MYO3B: variants seen among roughly 807,000 people sequenced by gnomAD.
The protein encoded by MYO3B is myosin-IIIb.
Under a neutral mutation model 174.6 loss-of-function variants are expected in MYO3B, and 156 were observed. The ratio of observed to expected loss-of-function variants is 0.89; its 90% CI spans 0.78 to 1.02. The LOEUF (loss-of-function observed/expected upper bound fraction) is 1.02, where lower values mean the gene tolerates loss of function less well. MYO3B is among the 50% of genes least tolerant of loss of function. MYO3B has a pLI of 0.00. For missense variants in MYO3B, 1,632 were observed against 1,639.4 expected (o/e 1.00, Z 0.08); for synonymous variants, 563 against 569.1 (o/e 0.99, Z 0.15).
chr2:170,415,391 T>G (rs780066796), intron 22 of MYO3B, among the ~76,000 whole-genome samples: 2 of 152,236 alleles, frequency 1.3e-5, no homozygotes, highest in African/African-American at 2.4e-5. Context: ...TGTTTTATTT[T>G]TCTTCTTAGC....
chr2:170,304,521 G>A (rs1286514698), intron 7 of MYO3B, among the ~76,000 whole-genome samples: 1 of 146,484 alleles, frequency 6.8e-6, no homozygotes, highest in Non-Finnish European at 1.5e-5. Context: ...CTGGAGTGCA[G>A]TGGCGTGACC....
At chr2:170,296,011 T>C (rs1015467634) in intron 7 of MYO3B, among the ~76,000 whole-genome samples, 1 of 152,162 alleles carries the variant, frequency 6.6e-6, no homozygotes, top group African/African-American at 2.4e-5. Flanking sequence ...CATATAACTT[T>C]CTCCCTAGAA....
chr2:170,581,692 C>T (rs1693160101), intron 32 of MYO3B, among the ~76,000 whole-genome samples: 1 of 151,972 alleles, frequency 6.6e-6, no homozygotes, highest in Non-Finnish European at 1.5e-5. Flanking sequence ...AGGTCCAGCT[C>T]CATTTATTGA....
chr2:170,474,558 G>A (rs1032101349), intron 25 of MYO3B, among the ~76,000 whole-genome samples: 12 of 151,212 alleles, frequency 7.9e-5, no homozygotes, highest in Non-Finnish European at 1.6e-4. Context: ...CCAACATGGA[G>A]AAACCCTGTC....
At chr2:170,415,738 C>T (rs1327993626) in intron 22 of MYO3B, among the ~76,000 whole-genome samples, 1 of 152,204 alleles carries the variant, frequency 6.6e-6, no homozygotes, top group Admixed American at 6.5e-5. Flanking sequence ...CATCCCTGCT[C>T]TTCTTACAGG....
intron 30 of MYO3B, among the ~76,000 whole-genome samples, chr2:170,540,341 T>C (rs1690007682): frequency 2.0e-5 from 3 of 151,836 alleles, no homozygotes; most frequent in African/African-American, 7.3e-5. Context: ...AAAGAACCAA[T>C]CCACATGGCT....
At chr2:170,423,439 A>G (rs1479499095) in intron 22 of MYO3B, among the ~76,000 whole-genome samples, 1 of 152,190 alleles carries the variant, frequency 6.6e-6, no homozygotes, top group East Asian at 1.9e-4. Flanking sequence ...CAAAGAAAAT[A>G]AAGTGAGGTG....
intron 25 of MYO3B, among the ~76,000 whole-genome samples, chr2:170,497,391 T>C (rs370246931): frequency 5.3e-5 from 8 of 151,728 alleles, no homozygotes; most frequent in African/African-American, 1.9e-4. Flanking sequence ...TCAAGGCGGG[T>C]GGATCACGAG....
intron 25 of MYO3B, among the ~76,000 whole-genome samples, chr2:170,472,616 T>A (rs1387840765): frequency 5.9e-5 from 9 of 152,148 alleles, no homozygotes; most frequent in African/African-American, 2.2e-4. Context: ...ATTATCTACC[T>A]CTTATCTGAA....
intron 32 of MYO3B, among the ~76,000 whole-genome samples, chr2:170,608,526 G>C (rs1179557744): frequency 6.6e-6 from 1 of 152,122 alleles, no homozygotes; most frequent in African/African-American, 2.4e-5. Context: ...TGCTTCTCCA[G>C]AGGTGGCACT....
chr2:170,318,633 A>G (rs1450389219), intron 7 of MYO3B, among the ~76,000 whole-genome samples: 2 of 152,190 alleles, frequency 1.3e-5, no homozygotes, highest in Non-Finnish European at 2.9e-5. Context: ...TAAGAGTCAT[A>G]TATAAGAGAT....
intron 32 of MYO3B, among the ~76,000 whole-genome samples, chr2:170,628,347 A>G (rs1358816841): frequency 1.3e-5 from 2 of 152,210 alleles, no homozygotes; most frequent in African/African-American, 4.8e-5. Context: ...CCTCTGAGCC[A>G]GGCGCAGGAT....
rs1559322008 is a variant in MYO3B at position 170,234,185 on chromosome 2, AAAC to A, written c.604-1803_604-1801del. Among the ~76,000 whole-genome samples, 999 of 106,608 alleles carry A rather than the reference AAAC, an allele frequency of 9.4e-3. 77 individuals carry two copies. The highest frequency in any genetic ancestry group is 0.04 in the African/African-American group (947 of 23,762). 69.9% of individuals were successfully genotyped at this position (106,608 alleles called of 152,430 possible). A position where few individuals can be genotyped will look rare whatever the true frequency, so the allele number is the denominator to read the frequency against. On this transcript the variant is annotated intron_variant, in intron 6 of 34. Transcript: ENST00000408978. ...GACTCCGTCTCAAAAAAAAAAAAAA[AAAC>A]AAAACAAAACAAAAAAAAAACACCT...
chr2:170,292,449 G>T (rs1162631126), intron 7 of MYO3B, among the ~76,000 whole-genome samples: 2 of 152,148 alleles, frequency 1.3e-5, no homozygotes, highest in African/African-American at 4.8e-5. Context: ...TCTTTTTGGG[G>T]AGGTAATGGG....
At chr2:170,378,114 A>G (rs2094307644) in intron 9 of MYO3B, among the ~76,000 whole-genome samples, 1 of 152,216 alleles carries the variant, frequency 6.6e-6, no homozygotes, top group African/African-American at 2.4e-5. Context: ...TATTAATTTC[A>G]ACTAAAAATA....
At chr2:170,310,665 C>CAAAAAAAAAAAAAAAAAAA (rs746315736) in intron 7 of MYO3B, among the ~76,000 whole-genome samples, 1 of 61,458 alleles carries the variant, frequency 1.6e-5, no homozygotes, top group Non-Finnish European at 2.6e-5. Flanking sequence ...GACTCCATCT[C>CAAAAAAAAAAAAAAAAAAA]AAAAAAAAAA....
chr2:170,390,534 A>G (rs1331081509), intron 14 of MYO3B, among the ~76,000 whole-genome samples: 1 of 152,226 alleles, frequency 6.6e-6, no homozygotes, highest in African/African-American at 2.4e-5. Context: ...CTTTGACAGG[A>G]TAAACAACCA....
At chr2:170,221,834 T>G (rs1574605991) in intron 6 of MYO3B, among the ~76,000 whole-genome samples, 1 of 152,290 alleles carries the variant, frequency 6.6e-6, no homozygotes, top group African/African-American at 2.4e-5. Context: ...CCCGAGTAGC[T>G]GGGACTACAG....
At position 170,574,281 on chromosome 2, in the gene MYO3B, G is replaced by T. The variant is rs1692648983; in HGVS notation, c.3733+30293G>T. 2.0e-5 allele frequency among the ~76,000 whole-genome samples: 3 copies of T among 151,956 alleles called. No homozygotes were observed. The South Asian group carries it at 6.2e-4, about 32-fold the overall frequency. ...ATTTAAGTATACTTAATTCTAATTG[G>T]CTTTATTTTCAGTTGGCCGTTATTT... On this transcript the variant is annotated intron_variant, in intron 32 of 34. Coordinates refer to ENST00000408978, the MANE Select transcript of MYO3B (RefSeq NM_138995.5).
Sources: gnomAD v4.1 joint callset for allele counts (sites outside exome capture counted in the v4.1 genomes callset) on GRCh38, gnomAD v4.1.1 for gene constraint, MANE v1.5 for transcripts, NCBI Gene and HGNC (gene_info 2026-07-23, HGNC 2026-07-21) for gene names.